FHIT: variants seen among roughly 807,000 people sequenced by gnomAD.
FHIT encodes the protein fragile histidine triad diadenosine triphosphatase.
In FHIT, 19 loss-of-function variants were observed where a neutral mutation model predicts 17.9. The observed-to-expected ratio is 1.06, with a 90% CI of 0.74 to 1.56. The LOEUF (loss-of-function observed/expected upper bound fraction) is 1.56. Ranked by LOEUF, FHIT falls within the 40% of genes most tolerant of loss-of-function variation. The probability of loss-of-function intolerance (pLI) is 0.00; values close to 1 mark genes in which losing one functional copy is unlikely to be tolerated. For synonymous variants in FHIT, 81 were observed against 69.7 expected (o/e 1.16, Z -0.81); for missense variants, 248 against 189.2 (o/e 1.31, Z -1.82).
intron 5 of FHIT, among the ~76,000 whole-genome samples, chr3:60,230,959 C>T (rs1056636215): frequency 1.5e-4 from 23 of 152,338 alleles, no homozygotes; most frequent in African/African-American, 4.8e-4. Context: ...GATCTGCCCT[C>T]CTTGACCTCC....
chr3:60,345,127 T>C (rs1710712068), intron 5 of FHIT, among the ~76,000 whole-genome samples: 1 of 152,224 alleles, frequency 6.6e-6, no homozygotes, highest in Non-Finnish European at 1.5e-5. Flanking sequence ...ATTTGTGTCA[T>C]ACTGGTAATG....
intron 8 of FHIT, among the ~76,000 whole-genome samples, chr3:59,851,608 A>T (rs1481084606): frequency 2.0e-5 from 3 of 152,194 alleles, no homozygotes; most frequent in Non-Finnish European, 4.4e-5. Context: ...CTTTGTTCTT[A>T]GTCATTGTTG....
chr3:60,350,872 G>A (rs576403338), intron 5 of FHIT, among the ~76,000 whole-genome samples: 1 of 152,144 alleles, frequency 6.6e-6, no homozygotes, highest in South Asian at 2.1e-4. Flanking sequence ...ATTATGTTAT[G>A]TAAAACTCCA....
intron 2 of FHIT, among the ~76,000 whole-genome samples, chr3:61,102,602 T>C (rs1171695133): frequency 6.6e-6 from 1 of 152,234 alleles, no homozygotes; most frequent in Non-Finnish European, 1.5e-5. Context: ...TCTTTTTCTA[T>C]TGAATGGAAT....
At chr3:61,137,147 A>C (rs1209264886) in intron 2 of FHIT, among the ~76,000 whole-genome samples, 2 of 151,054 alleles carry the variant, frequency 1.3e-5, no homozygotes, top group Non-Finnish European at 2.9e-5. Context: ...AGCACTGCAG[A>C]CTCTTTGTGG....
At chr3:61,221,367 T>C (rs1053288557) in intron 1 of FHIT, among the ~76,000 whole-genome samples, 11 of 152,168 alleles carry the variant, frequency 7.2e-5, no homozygotes, top group Non-Finnish European at 1.0e-4. Flanking sequence ...GAAAAAGAGG[T>C]TCATCTTGGG....
chr3:60,287,358 G>C (rs937836115), intron 5 of FHIT, among the ~76,000 whole-genome samples: 1 of 151,894 alleles, frequency 6.6e-6, no homozygotes, highest in African/African-American at 2.4e-5. Context: ...TAGTAGAGAC[G>C]GGCTTTCACC....
intron 5 of FHIT, among the ~76,000 whole-genome samples, chr3:60,486,049 C>T (rs1056317485): frequency 6.6e-6 from 1 of 152,126 alleles, no homozygotes; most frequent in East Asian, 1.9e-4. Context: ...ATAGAAGACA[C>T]TTCTGCACAC....
intron 8 of FHIT, among the ~76,000 whole-genome samples, chr3:59,760,532 A>C (rs970510126): frequency 6.6e-6 from 1 of 150,764 alleles, no homozygotes; most frequent in African/African-American, 2.5e-5. Flanking sequence ...TGGGCATTTC[A>C]GGTTTGTTGG....
At chr3:61,104,865 A>C (rs927272991) in intron 2 of FHIT, among the ~76,000 whole-genome samples, 6 of 152,140 alleles carry the variant, frequency 3.9e-5, no homozygotes, top group East Asian at 1.9e-4. Flanking sequence ...TCTACTATTA[A>C]TACTTGTGAT....
chr3:60,498,613 T>C (rs2034398788), intron 5 of FHIT, among the ~76,000 whole-genome samples: 1 of 152,188 alleles, frequency 6.6e-6, no homozygotes, highest in South Asian at 2.1e-4. Flanking sequence ...TATCATGGTG[T>C]GTAGCTTCAA....
intron 1 of FHIT, among the ~76,000 whole-genome samples, chr3:61,216,622 G>C (rs1453122318): frequency 6.6e-6 from 1 of 152,164 alleles, no homozygotes; most frequent in African/African-American, 2.4e-5. Context: ...AATACCATTT[G>C]ACCCAGCCAT....
chr3:60,793,484 G>A (rs1256722871), intron 4 of FHIT, among the ~76,000 whole-genome samples: 5 of 152,082 alleles, frequency 3.3e-5, no homozygotes, highest in African/African-American at 1.2e-4. Flanking sequence ...TCTATTTTTA[G>A]TACAGACAGC....
chr3:61,200,723 T>A (rs2038985930), intron 1 of FHIT, 58 bp from the exon 2 acceptor site: 1 of 152,588 alleles, frequency 6.6e-6, no homozygotes. Context: ...ACAAACATTT[T>A]CTCCCCATGT....
Position 60,506,589 on chromosome 3 carries a change from T to C in FHIT, c.103+30271A>G, listed in dbSNP as rs1469123906. 2.0e-5 allele frequency among the ~76,000 whole-genome samples: 3 copies of C among 152,200 alleles called. No homozygotes were observed. In the East Asian group the frequency reaches 5.8e-4, roughly 29 times the overall value. On this transcript the variant is annotated intron_variant, in intron 5 of 9. Transcript: ENST00000492590. The stretch of plus-strand genomic sequence containing the variant: ...TGCTTTACTGATTTCAAGATGGTCA[T>C]GTGATGTGCTTTGGCCAATGGATCA...
chr3:60,290,302 A>G (rs1707922672), intron 5 of FHIT, among the ~76,000 whole-genome samples: 1 of 152,186 alleles, frequency 6.6e-6, no homozygotes, highest in Admixed American at 6.5e-5. Context: ...ACCCTTATGT[A>G]ATCTTCTCTC....
At chr3:61,232,494 C>A (rs568515506) in intron 1 of FHIT, among the ~76,000 whole-genome samples, 2 of 152,314 alleles carry the variant, frequency 1.3e-5, no homozygotes, top group South Asian at 2.1e-4. Flanking sequence ...TATATGCCCA[C>A]CACCCCTTGG....
In FHIT at chr3:60,242,738, T is replaced by G. The variant is rs139883213; in HGVS notation, c.104-228586A>C. On this transcript the variant is annotated intron_variant, in intron 5 of 9. Transcript: ENST00000492590. ...CTTTTGCCCCTTCTTCTCTCTTTCA[T>G]TCTTTCTATTGGTTAGAAGATGGTC... Among the ~76,000 whole-genome samples the G allele has an allele frequency of 2.5e-3, 376 of 152,246 alleles. 1 individual carries two copies. Among genetic ancestry groups the G allele is most frequent in the African/African-American group, 8.7e-3 (362 of 41,576 alleles).
intron 5 of FHIT, among the ~76,000 whole-genome samples, chr3:60,099,762 G>C (rs1220348306): frequency 1.3e-5 from 2 of 152,108 alleles, no homozygotes. Flanking sequence ...AGTATTAAAT[G>C]CATTTTAACT....
Sources: gnomAD v4.1 joint callset for allele counts (sites outside exome capture counted in the v4.1 genomes callset) on GRCh38, gnomAD v4.1.1 for gene constraint, MANE v1.5 for transcripts, NCBI Gene and HGNC (gene_info 2026-07-23, HGNC 2026-07-21) for gene names.